The following PVT1 variants were observed in gnomAD, a reference collection of about 807,000 sequenced individuals.
PVT1 encodes CXCR4/PVT1 fusion.
intron 4 of PVT1, among the ~76,000 whole-genome samples, chr8:128,017,579 A>G (rs1817387835): frequency 1.3e-5 from 2 of 150,182 alleles, no homozygotes; most frequent in South Asian, 4.2e-4. Context: ...CTATAAGTGC[A>G]TGCCACCAAG....
chr8:128,006,490 A>G (rs1248999861), intron 4 of PVT1, among the ~76,000 whole-genome samples: 1 of 150,486 alleles, frequency 6.6e-6, no homozygotes, highest in African/African-American at 2.4e-5. Flanking sequence ...TAAAGTTTCT[A>G]TTTTTTTTTC....
intron 5 of PVT1, among the ~76,000 whole-genome samples, chr8:128,088,342 A>G (rs1468461409): frequency 6.6e-6 from 1 of 152,156 alleles, no homozygotes; most frequent in East Asian, 1.9e-4. Context: ...TGCCAGTGAA[A>G]GACACACTCA....
chr8:127,798,700 A>AAT (rs1814426329), intron 2 of PVT1, among the ~76,000 whole-genome samples: 1 of 114,046 alleles, frequency 8.8e-6, no homozygotes, highest in Non-Finnish European at 2.1e-5. Flanking sequence ...CTCTACTAAA[A>AAT]ATACAAAAAA....
At chr8:127,860,892 G>C (rs1815219920) in intron 2 of PVT1, among the ~76,000 whole-genome samples, 1 of 152,190 alleles carries the variant, frequency 6.6e-6, no homozygotes, top group East Asian at 1.9e-4. Flanking sequence ...CAAGGGCAAG[G>C]GGCTCCTTGA....
At chr8:127,910,456 A>T (rs1007796073) in intron 3 of PVT1, among the ~76,000 whole-genome samples, 7 of 152,326 alleles carry the variant, frequency 4.6e-5, no homozygotes, top group Admixed American at 2.6e-4. Flanking sequence ...TGAAATGATC[A>T]CATGTGTAGG....
intron 4 of PVT1, among the ~76,000 whole-genome samples, chr8:128,021,461 T>C (rs1379919645): frequency 6.6e-6 from 1 of 151,824 alleles, no homozygotes; most frequent in Non-Finnish European, 1.5e-5. Context: ...GCCCGGTTAA[T>C]TTTTTGTATT....
At chr8:127,836,177 T>C (rs1814906955) in intron 2 of PVT1, among the ~76,000 whole-genome samples, 1 of 152,188 alleles carries the variant, frequency 6.6e-6, no homozygotes, top group African/African-American at 2.4e-5. Context: ...ATTTATTAAA[T>C]TATTTGGCTC....
intron 3 of PVT1, among the ~76,000 whole-genome samples, chr8:127,984,837 T>TTTTC (rs71300287): frequency 0.015 from 1,225 of 80,954 alleles, 56 homozygotes; most frequent in Middle Eastern, 0.023. Context: ...CTTTCTTTTC[T>TTTTC]TTTCTTTCTT....
chr8:127,975,061 T>A (rs1268560655), intron 3 of PVT1, among the ~76,000 whole-genome samples: 1 of 152,178 alleles, frequency 6.6e-6, no homozygotes, highest in Non-Finnish European at 1.5e-5. Flanking sequence ...TCTAAATCAG[T>A]TCTCTGTTGT....
At chr8:127,966,730 C>A (rs1211442701) in intron 3 of PVT1, among the ~76,000 whole-genome samples, 1 of 152,134 alleles carries the variant, frequency 6.6e-6, no homozygotes, top group Non-Finnish European at 1.5e-5. Context: ...AGTGGCCACC[C>A]CATTGGACAG....
At chr8:127,956,244 G>A (rs1044801175) in intron 3 of PVT1, among the ~76,000 whole-genome samples, 1 of 152,380 alleles carries the variant, frequency 6.6e-6, no homozygotes, top group Admixed American at 6.5e-5. Flanking sequence ...GCAGAGCCAG[G>A]CTGGCAGGGC....
Position 127,924,728 on chromosome 8 carries a change from G to A in PVT1, n.782+33730G>A, listed in dbSNP as rs185780473. Among the ~76,000 whole-genome samples, 9 of 152,060 alleles carry A rather than the reference G, an allele frequency of 5.9e-5. No individual in the cohort carries two copies. In the South Asian group the frequency reaches 1.7e-3, roughly 28 times the overall value. ...GGGTTTCGCCGTGTTAGCCAGGATG[G>A]TCTTGATCTCCTGACCTCGTGATCC... On this transcript the variant is annotated intron_variant and non_coding_transcript_variant, in intron 3 of 10. Transcript: ENST00000651587.
chr8:128,093,262 T>C (rs531685080), intron 5 of PVT1, among the ~76,000 whole-genome samples: 1 of 152,214 alleles, frequency 6.6e-6, no homozygotes, highest in Admixed American at 6.5e-5. Flanking sequence ...CTCTTAAGAG[T>C]TGCTGTAAGG....
intron 2 of PVT1, among the ~76,000 whole-genome samples, chr8:127,842,256 ATTT>A (rs11347742): frequency 5.7e-5 from 8 of 140,896 alleles, no homozygotes; most frequent in South Asian, 2.3e-4. Flanking sequence ...ACTGCTCTGG[ATTT>A]TTTTTTTTTT....
At chr8:127,976,628 T>C (rs1816825428) in intron 3 of PVT1, among the ~76,000 whole-genome samples, 1 of 152,200 alleles carries the variant, frequency 6.6e-6, no homozygotes, top group Non-Finnish European at 1.5e-5. Context: ...CACCTACTTA[T>C]TGAACATTAA....
At chr8:128,073,474 A>G (rs1161570137) in intron 5 of PVT1, among the ~76,000 whole-genome samples, 1 of 152,084 alleles carries the variant, frequency 6.6e-6, no homozygotes, top group Non-Finnish European at 1.5e-5. Context: ...ACCACACACA[A>G]ATCTCCAGGG....
At chr8:127,886,808 A>T (rs1301787165) in intron 2 of PVT1, among the ~76,000 whole-genome samples, 1 of 152,148 alleles carries the variant, frequency 6.6e-6, no homozygotes, top group Non-Finnish European at 1.5e-5. Context: ...CCCCATAACT[A>T]TCTTTTTTCT....
chr8:128,071,878 A>G (rs1304466691), intron 5 of PVT1, among the ~76,000 whole-genome samples: 1 of 152,104 alleles, frequency 6.6e-6, no homozygotes, highest in Non-Finnish European at 1.5e-5. Context: ...GCTCCTACAG[A>G]ATCCTGATTC....
At chr8:127,900,794 A>G (rs1025499959) in intron 3 of PVT1, among the ~76,000 whole-genome samples, 4 of 152,190 alleles carry the variant, frequency 2.6e-5, no homozygotes, top group African/African-American at 9.7e-5. Flanking sequence ...AGGTTGCCAC[A>G]TCACTCTCCA....
Sources: gnomAD v4.1 joint callset for allele counts (sites outside exome capture counted in the v4.1 genomes callset) on GRCh38, gnomAD v4.1.1 for gene constraint, MANE v1.5 for transcripts, NCBI Gene and HGNC (gene_info 2026-07-23, HGNC 2026-07-21) for gene names.